EPHA6: variants seen among roughly 807,000 people sequenced by gnomAD.
EPHA6 encodes EPH receptor A6, also known as ephrin type-A receptor 6.
A neutral mutation model predicts 112.0 loss-of-function variants in EPHA6; 50 were observed. The observed-to-expected ratio is 0.45, with a 90% CI of 0.36 to 0.56. The LOEUF (loss-of-function observed/expected upper bound fraction) is 0.56, where lower values mean the gene tolerates loss of function less well. Among genes scored for constraint, EPHA6 ranks in the 20% least tolerant of loss-of-function variants. The pLI is 0.00. For missense variants in EPHA6, 1,280 were observed against 1,417.4 expected (o/e 0.90, Z 1.56); for synonymous variants, 529 against 490.7 (o/e 1.08, Z -1.03).
chr3:97,276,364 G>A (rs946396743), intron 5 of EPHA6, among the ~76,000 whole-genome samples: 8 of 152,018 alleles, frequency 5.3e-5, no homozygotes, highest in Non-Finnish European at 7.4e-5. Flanking sequence ...GTGGGGTCCC[G>A]CACAGATGGG....
intron 5 of EPHA6, among the ~76,000 whole-genome samples, chr3:97,261,319 G>T (rs1328929597): frequency 2.6e-5 from 4 of 152,176 alleles, no homozygotes; most frequent in South Asian, 2.1e-4. Flanking sequence ...CTATATGGTA[G>T]ATGAGGTGAG....
intron 14 of EPHA6, among the ~76,000 whole-genome samples, chr3:97,696,513 G>A (rs970110397): frequency 4.6e-5 from 7 of 151,842 alleles, no homozygotes; most frequent in African/African-American, 1.5e-4. Flanking sequence ...TTCTGTATTG[G>A]CACCAACTTA....
chr3:97,382,581 G>A (rs967286138), intron 5 of EPHA6, among the ~76,000 whole-genome samples: 1 of 151,988 alleles, frequency 6.6e-6, no homozygotes, highest in Non-Finnish European at 1.5e-5. Context: ...CTCAATTGAT[G>A]TGCTCTTTCA....
rs1473650189 is a variant in EPHA6 at position 97,009,170 on chromosome 3, C to T, written c.1114+21177C>T. 2.6e-5 allele frequency among the ~76,000 whole-genome samples: 4 copies of T among 152,090 alleles called. No homozygotes were observed. The East Asian group carries it at 5.8e-4, about 22-fold the overall frequency. ...GTGTGTTTTGCTGGAGGGAAACCCA[C>T]TAGTCTGGGCTGCCTGGATTCCTCA... is the stretch of plus-strand genomic sequence containing the variant. On this transcript the variant is annotated intron_variant, in intron 3 of 17. Transcript: ENST00000389672.
At chr3:97,293,123 A>T (rs2080752903) in intron 5 of EPHA6, among the ~76,000 whole-genome samples, 1 of 147,264 alleles carries the variant, frequency 6.8e-6, no homozygotes, top group Non-Finnish European at 1.5e-5. Flanking sequence ...TGGAGCAGAG[A>T]CTCATGGTGG....
intron 10 of EPHA6, among the ~76,000 whole-genome samples, chr3:97,494,880 A>G (rs1048255441): frequency 8.5e-5 from 13 of 152,116 alleles, no homozygotes; most frequent in Non-Finnish European, 1.3e-4. Context: ...AAATTGTCTA[A>G]ATCTTTTCAA....
chr3:97,367,034 T>A (rs953332303), intron 5 of EPHA6, among the ~76,000 whole-genome samples: 6 of 152,086 alleles, frequency 3.9e-5, no homozygotes, highest in African/African-American at 1.4e-4. Context: ...TAGTGGTAAA[T>A]AAATTAGGAA....
intron 6 of EPHA6, among the ~76,000 whole-genome samples, chr3:97,414,304 C>T (rs545050672): frequency 2.6e-5 from 4 of 152,016 alleles, no homozygotes; most frequent in Non-Finnish European, 5.9e-5. Context: ...CCTGCTTCAA[C>T]CAATTCTCCC....
chr3:97,079,263 C>A (rs935232801), intron 3 of EPHA6, among the ~76,000 whole-genome samples: 2 of 152,110 alleles, frequency 1.3e-5, no homozygotes, highest in African/African-American at 4.8e-5. Context: ...GGATACTGTA[C>A]AGCCATAAAA....
intron 2 of EPHA6, among the ~76,000 whole-genome samples, chr3:96,961,046 G>T (rs1169718113): frequency 2.6e-5 from 4 of 152,198 alleles, no homozygotes; most frequent in Non-Finnish European, 5.9e-5. Flanking sequence ...TGTATAGCTG[G>T]ATTAAACTGA....
At chr3:97,501,385 C>CA (rs1334541244) in intron 10 of EPHA6, among the ~76,000 whole-genome samples, 2 of 150,904 alleles carry the variant, frequency 1.3e-5, no homozygotes, top group African/African-American at 2.5e-5. Flanking sequence ...TTTAAGCAGA[C>CA]AAAAAAATAT....
At chr3:97,418,160 AACTC>A (rs1043713642) in intron 6 of EPHA6, among the ~76,000 whole-genome samples, 23 of 151,558 alleles carry the variant, frequency 1.5e-4, no homozygotes, top group Admixed American at 3.9e-4. Flanking sequence ...TATAAGAAAA[AACTC>A]AATAAATAGA....
intron 14 of EPHA6, among the ~76,000 whole-genome samples, chr3:97,667,993 C>A (rs2030333487): frequency 6.6e-6 from 1 of 152,158 alleles, no homozygotes; most frequent in African/African-American, 2.4e-5. Flanking sequence ...ATTTTTCTCA[C>A]AAGAGAAAGA....
intron 11 of EPHA6, among the ~76,000 whole-genome samples, chr3:97,572,291 C>T (rs980031987): frequency 6.6e-6 from 1 of 151,864 alleles, no homozygotes; most frequent in African/African-American, 2.4e-5. Flanking sequence ...GCTAGGACTA[C>T]AGGCGCCCGC....
intron 5 of EPHA6, among the ~76,000 whole-genome samples, chr3:97,295,207 A>C (rs898584008): frequency 6.6e-6 from 1 of 152,152 alleles, no homozygotes; most frequent in Non-Finnish European, 1.5e-5. Flanking sequence ...GGAACACCCA[A>C]AATTTGGATA....
intron 2 of EPHA6, among the ~76,000 whole-genome samples, chr3:96,895,458 G>T (rs2038216157): frequency 6.6e-6 from 1 of 151,932 alleles, no homozygotes; most frequent in African/African-American, 2.4e-5. Flanking sequence ...ATTGGAGAAA[G>T]AAAAAAATTA....
In EPHA6 at chr3:97,111,065, A is replaced by C. The variant is rs760064159; in HGVS notation, c.1115-115199A>C. On this transcript the variant is annotated intron_variant, in intron 3 of 17. Coordinates refer to ENST00000389672, the MANE Select transcript of EPHA6 (RefSeq NM_001080448.3). ...GTTTAAAAAGAGCTTTACATATGAA[A>C]ATGATACTGCCTAGTGAGCATCCTC... Among the ~76,000 whole-genome samples, 55 of 152,108 alleles carry C rather than the reference A, an allele frequency of 3.6e-4. 1 individual carries two copies. The highest frequency in any genetic ancestry group is 6.0e-4 in the Non-Finnish European group (41 of 68,012).
chr3:97,327,907 A>ATATATATGTATATGTGTG (rs2082528072), intron 5 of EPHA6, among the ~76,000 whole-genome samples: 1 of 125,562 alleles, frequency 8.0e-6, no homozygotes, highest in Non-Finnish European at 1.5e-5. Flanking sequence ...ATATGTGTGT[A>ATATATATGTATATGTGTG]TATATATGTA....
Position 97,643,423 on chromosome 3 carries a change from T to C in EPHA6, c.2784+5341T>C, listed in dbSNP as rs577393590. Among the ~76,000 whole-genome samples the C allele has an allele frequency of 1.6e-4, 25 of 152,152 alleles. No homozygotes were observed. The East Asian group carries it at 4.9e-3, about 30-fold the overall frequency. On this transcript the variant is annotated intron_variant, in intron 14 of 17. Coordinates refer to ENST00000389672, the MANE Select transcript of EPHA6 (RefSeq NM_001080448.3). ...ACCAGCTAACATCATAATGATAGGA[T>C]CAAATTCACACATAACAATATTAAC... is the stretch of plus-strand genomic sequence containing the variant.
Sources: allele counts gnomAD v4.1 joint callset (sites outside exome capture counted in the v4.1 genomes callset), GRCh38; gene constraint gnomAD v4.1.1; transcripts MANE v1.5; gene names NCBI Gene and HGNC (gene_info 2026-07-23, HGNC 2026-07-21).